Variants in C14orf132 observed in about 807,000 individuals in gnomAD.
The protein encoded by C14orf132 is uncharacterized protein C14orf132.
A neutral mutation model predicts 5.8 loss-of-function variants in C14orf132; 6 were observed. That is an observed-to-expected ratio of 1.03 (90% CI 0.57 to 2.04). C14orf132 has a LOEUF of 2.04. Among genes scored for constraint, C14orf132 ranks in the 30% most tolerant of loss-of-function variants. The pLI, the probability that C14orf132 is intolerant of heterozygous loss-of-function variation, is 0.00. For synonymous variants in C14orf132, 51 were observed against 49.8 expected, an observed-to-expected ratio of 1.02 and a Z score of -0.10; for missense variants, 125 against 115.8, an observed-to-expected ratio of 1.08 and a Z score of -0.37.
At chr14:96,070,800 G>A (rs1480371756) in intron 1 of C14orf132, among the ~76,000 whole-genome samples, 1 of 152,082 alleles carries the variant, frequency 6.6e-6, no homozygotes, top group East Asian at 1.9e-4. Context: ...GGTGTGCAGG[G>A]GAGTAGCTGC....
intron 1 of C14orf132, among the ~76,000 whole-genome samples, chr14:96,062,043 C>G (rs925359152): frequency 1.3e-5 from 2 of 152,166 alleles, no homozygotes. Context: ...TCCCCCTTAA[C>G]GAGGAGTTAG....
At chr14:96,076,415 T>C (rs940291632) in intron 1 of C14orf132, among the ~76,000 whole-genome samples, 2 of 152,220 alleles carry the variant, frequency 1.3e-5, no homozygotes, top group South Asian at 2.1e-4. Context: ...TTTTCAATTT[T>C]ATTGAGTTTT....
rs144268720 is a variant in C14orf132, at chr14:96,067,342, G to A, written c.28-19169G>A. On this transcript the variant is annotated intron_variant, in intron 1 of 1. Transcript: ENST00000555004. ...ACCCATTGCCATCCTTGGGCTCTGG[G>A]TGGGACCCCTTTTGAAAGCTTCCAC... Among the ~76,000 whole-genome samples the A allele has an allele frequency of 8.9e-4, 135 of 152,286 alleles. 1 individual carries two copies. Among genetic ancestry groups the A allele is most frequent in the Non-Finnish European group, 1.6e-3 (111 of 68,034 alleles).
At chr14:96,045,926 C>G (rs148565325) in intron 1 of C14orf132, among the ~76,000 whole-genome samples, 1 of 152,214 alleles carries the variant, frequency 6.6e-6, no homozygotes, top group East Asian at 1.9e-4. Context: ...AGGCTTCCAG[C>G]GTGTAGTTTC....
intron 1 of C14orf132, among the ~76,000 whole-genome samples, chr14:96,044,973 AG>A (rs1886794148): frequency 6.6e-6 from 1 of 152,222 alleles, no homozygotes; most frequent in Admixed American, 6.5e-5. Context: ...AAACCACAAC[AG>A]GTTCTGAAGA....
At chr14:96,046,981 C>A (rs561744350) in intron 1 of C14orf132, among the ~76,000 whole-genome samples, 1 of 152,206 alleles carries the variant, frequency 6.6e-6, no homozygotes, top group Admixed American at 6.5e-5. Context: ...AGGAACATAT[C>A]GCTGCCCAGA....
rs1334462296 is a variant in C14orf132, at chr14:96,092,693, G to C, written c.*5958G>C. 3 of 152,242 alleles carry C rather than the reference G, an allele frequency of 2.0e-5. No homozygotes were observed. Among genetic ancestry groups the C allele is most frequent in the Non-Finnish European group, 4.4e-5 (3 of 68,056 alleles). The allele number at this position is 152,242 out of a possible 1,614,324, so 9.4% of individuals were successfully genotyped here. On this transcript the variant is annotated 3_prime_UTR_variant, in exon 2 of 2. Transcript: ENST00000555004. ...AGGAAAATGAATCTCTGAGAGGCTTGAGAGTGTTGCCAGGTGGAGCTTTTC... is the reference window on the plus strand; with the variant it reads ...AGGAAAATGAATCTCTGAGAGGCTTCAGAGTGTTGCCAGGTGGAGCTTTTC...
chr14:96,071,665 G>A (rs1441620865), intron 1 of C14orf132, among the ~76,000 whole-genome samples: 1 of 152,200 alleles, frequency 6.6e-6, no homozygotes, highest in African/African-American at 2.4e-5. Context: ...GGCAGCCTGT[G>A]GACCTAGCCT....
intron 1 of C14orf132, among the ~76,000 whole-genome samples, chr14:96,053,331 C>T (rs934059032): frequency 2.6e-5 from 4 of 152,230 alleles, no homozygotes; most frequent in African/African-American, 9.6e-5. Context: ...CCTGCTCTCG[C>T]TAAGGGCACC....
Position 96,063,220 on chromosome 14 carries a change from A to G in C14orf132, c.28-23291A>G, listed in dbSNP as rs145521194. Among the ~76,000 whole-genome samples the G allele has an allele frequency of 2.6e-5, 4 of 152,276 alleles. No individual in the cohort carries two copies. The East Asian group carries it at 7.7e-4, about 29-fold the overall frequency. On this transcript the variant is annotated intron_variant, in intron 1 of 1. Transcript: ENST00000555004. Reference sequence around the variant, plus strand: ...TCCAAGCTGCCATCCCCTCAGGAACAGAGGGTGAATAGGATGGAGGTTCCG... The same window carrying G: ...TCCAAGCTGCCATCCCCTCAGGAACGGAGGGTGAATAGGATGGAGGTTCCG...
At chr14:96,052,327 G>A (rs903111877) in intron 1 of C14orf132, among the ~76,000 whole-genome samples, 39 of 152,360 alleles carry the variant, frequency 2.6e-4, no homozygotes, top group African/African-American at 9.1e-4. Context: ...GTGGGGGTGG[G>A]GACCCCACAG....
In C14orf132 at chr14:96,090,649, AG is replaced by A. The variant is rs1387370598; in HGVS notation, c.*3915del. On this transcript the variant is annotated 3_prime_UTR_variant, in exon 2 of 2. Coordinates refer to ENST00000555004, the MANE Select transcript of C14orf132 (RefSeq NM_001252507.3). ...GACTCCCTGCTCCACTCTACCCCCC[AG>A]AGAGAAATGATTCTCGCTCCTTTCA... 2.2e-6 allele frequency: 1 copy of A among 456,050 alleles called. No individual in the cohort carries two copies. The allele number at this position is 456,050 out of a possible 1,614,324, so 28.3% of individuals were successfully genotyped here.
chr14:96,070,687 G>A lies in C14orf132; in HGVS notation c.28-15824G>A, dbSNP rs8022419. On this transcript the variant is annotated intron_variant, in intron 1 of 1. Coordinates refer to ENST00000555004, the MANE Select transcript of C14orf132 (RefSeq NM_001252507.3). ...CTGAGGGACTAACCTTAGGCAAATC[G>A]CTTAACCCTTTCTAGAGGCAGTTTC... Among the ~76,000 whole-genome samples the A allele has an allele frequency of 3.2e-3, 484 of 151,098 alleles. 8 individuals are homozygous for A. The highest frequency in any genetic ancestry group is 0.011 in the African/African-American group (464 of 41,148).
intron 1 of C14orf132, among the ~76,000 whole-genome samples, chr14:96,076,553 T>C (rs1443612074): frequency 6.6e-6 from 1 of 152,132 alleles, no homozygotes; most frequent in African/African-American, 2.4e-5. Context: ...TGGGCCACAT[T>C]GGAAGAAGAA....
chr14:96,082,029 G>A (rs1361958060), intron 1 of C14orf132, among the ~76,000 whole-genome samples: 3 of 152,182 alleles, frequency 2.0e-5, no homozygotes, highest in Non-Finnish European at 4.4e-5. Context: ...GTCTAACTCA[G>A]CAAGAAGAGA....
At chr14:96,070,897 A>G (rs940351549) in intron 1 of C14orf132, among the ~76,000 whole-genome samples, 29 of 152,102 alleles carry the variant, frequency 1.9e-4, no homozygotes, top group African/African-American at 6.7e-4. Context: ...CAGCTAAACC[A>G]CTGTGAGTTA....
intron 1 of C14orf132, among the ~76,000 whole-genome samples, chr14:96,086,151 A>G (rs1029110600): frequency 1.3e-5 from 2 of 152,148 alleles, no homozygotes; most frequent in African/African-American, 2.4e-5. Flanking sequence ...TTAAAATTAG[A>G]AGAGGAATGA....
intron 1 of C14orf132, among the ~76,000 whole-genome samples, chr14:96,056,982 A>G (rs1181286073): frequency 6.6e-6 from 1 of 152,182 alleles, no homozygotes; most frequent in South Asian, 2.1e-4. Flanking sequence ...GCCTCAAAGT[A>G]TGCTCCATCT....
intron 1 of C14orf132, among the ~76,000 whole-genome samples, chr14:96,050,835 A>C (rs182286747): frequency 2.0e-5 from 3 of 151,650 alleles, no homozygotes; most frequent in East Asian, 3.9e-4. Context: ...AATCATTTTC[A>C]TGTATTTTAT....
Sources: gnomAD v4.1 joint callset for allele counts (sites outside exome capture counted in the v4.1 genomes callset) on GRCh38, gnomAD v4.1.1 for gene constraint, MANE v1.5 for transcripts, NCBI Gene and HGNC (gene_info 2026-07-23, HGNC 2026-07-21) for gene names.